Variants in TOGARAM1 observed in about 807,000 individuals in gnomAD.
TOGARAM1 encodes the protein TOG array regulator of axonemal microtubules 1, also known as TOG array regulator of axonemal microtubules protein 1.
In TOGARAM1, 100 loss-of-function variants were observed where a neutral mutation model predicts 166.6. That is an observed-to-expected ratio of 0.60 (90% CI 0.51 to 0.71). The LOEUF (loss-of-function observed/expected upper bound fraction) is 0.71. TOGARAM1 is among the 30% of genes least tolerant of loss of function. TOGARAM1 has a pLI of 0.00. For missense variants in TOGARAM1, 2,029 were observed against 2,102.7 expected (o/e 0.96, Z 0.69); for synonymous variants, 758 against 763.8 (o/e 0.99, Z 0.13).
chr14:44,963,188 T>C lies in TOGARAM1; in HGVS notation c.767T>C (p.Val256Ala), dbSNP rs1442120661. The C allele has an allele frequency of 2.5e-6, 4 of 1,613,974 alleles. No homozygotes were observed. The highest frequency in any genetic ancestry group is 1.6e-4 in the Middle Eastern group (1 of 6,084). The change falls in exon 1 of 20, where the codon GTG becomes GCG. Residue 256 changes from valine (V) to alanine (A), a missense_variant. Coordinates refer to ENST00000361462, the MANE Select transcript of TOGARAM1 (RefSeq NM_001308120.2). Reference sequence around the variant, plus strand: ...TTGCTTGGTCTGGATCTCACCGAGGTGATAATATCCCTAGCCCGAAAGCTT... The same window carrying C: ...TTGCTTGGTCTGGATCTCACCGAGGCGATAATATCCCTAGCCCGAAAGCTT... ...DLLLGLDLTE[V>A]IISLARKLGD...
At chr14:45,052,095 C>T (rs745380737) in intron 14 of TOGARAM1, among the ~76,000 whole-genome samples, 12 of 152,126 alleles carry the variant, frequency 7.9e-5, no homozygotes, top group Non-Finnish European at 1.5e-4. Flanking sequence ...AGCTGTGGCT[C>T]GCTGCTGCTG....
intron 15 of TOGARAM1, among the ~76,000 whole-genome samples, chr14:45,054,222 A>G (rs1169901487): frequency 1.3e-5 from 2 of 152,170 alleles, no homozygotes; most frequent in Non-Finnish European, 2.9e-5. Context: ...ACAAGTCAAT[A>G]TATATTTTCC....
chr14:45,033,512 A>G (rs1451828116), intron 11 of TOGARAM1, among the ~76,000 whole-genome samples: 1 of 152,204 alleles, frequency 6.6e-6, no homozygotes, highest in Non-Finnish European at 1.5e-5. Flanking sequence ...ATAAAACATT[A>G]TATGAAAACT....
intron 16 of TOGARAM1, among the ~76,000 whole-genome samples, chr14:45,065,763 G>A (rs1883111450): frequency 1.3e-5 from 2 of 152,146 alleles, no homozygotes; most frequent in African/African-American, 2.4e-5. Context: ...CTTAGGTTTT[G>A]GAAAGATTTC....
rs749622003 is a variant in TOGARAM1 at position 45,058,297 on chromosome 14, CT to C, written c.4559+3763del. On this transcript the variant is annotated intron_variant, in intron 16 of 19. Coordinates refer to ENST00000361462, the MANE Select transcript of TOGARAM1 (RefSeq NM_001308120.2). ...TTTGGCTTCCATTTATGTAGAGTGT[CT>C]TTTTTTTTTTTTTTGAGACAGTGTC... is the stretch of plus-strand genomic sequence containing the variant. 2.0e-3 allele frequency among the ~76,000 whole-genome samples: 289 copies of C among 140,988 alleles called. 1 individual carries two copies. The highest frequency in any genetic ancestry group is 3.6e-3 in the Middle Eastern group (1 of 276). The allele number at this position is 140,988 out of a possible 152,430, so 92.5% of individuals were successfully genotyped here. A position where few individuals can be genotyped will look rare whatever the true frequency, so the allele number is the denominator to read the frequency against.
Position 44,995,784 on chromosome 14 carries a change from G to A in TOGARAM1, c.2085G>A (p.Lys695=), listed in dbSNP as rs754589916. The part of the protein sequence containing the change: ...TYDFIPSAKL[K]LSQGMPVNDD... ...ATTTCATCCCATCTGCAAAATTAAA[G>A]CTTTCTCAAGGAATGCCAGTCAATG... is the stretch of plus-strand genomic sequence containing the variant. Residue 695 remains lysine, a synonymous_variant, in exon 2 of 20, where the codon AAG becomes AAA. Coordinates refer to ENST00000361462, the MANE Select transcript of TOGARAM1 (RefSeq NM_001308120.2). 42 of 1,593,698 alleles carry A rather than the reference G, an allele frequency of 2.6e-5. No individual in the cohort carries two copies. The East Asian group carries it at 4.5e-4, about 17-fold the overall frequency.
In TOGARAM1 at chr14:45,052,386, A is replaced by G. The variant is rs138221710; in HGVS notation, c.4314-50A>G. 3 of 1,545,896 alleles carry G rather than the reference A, an allele frequency of 1.9e-6. No homozygotes were observed. In the East Asian group the frequency reaches 6.8e-5, roughly 35 times the overall value. On this transcript the variant is annotated intron_variant, in intron 14 of 19. Coordinates refer to ENST00000361462, the MANE Select transcript of TOGARAM1 (RefSeq NM_001308120.2). ...ACAATGCATCTAAGGTCAGCAACTG[A>G]GCTTATTAATGTCTAAAAAGTAATA...
At chr14:45,064,084 C>A (rs921972408) in intron 16 of TOGARAM1, among the ~76,000 whole-genome samples, 5 of 151,816 alleles carry the variant, frequency 3.3e-5, no homozygotes, top group African/African-American at 9.7e-5. Flanking sequence ...CTGACCCCCA[C>A]CCCCCGCTCT....
Position 44,962,589 on chromosome 14 carries a change from C to G in TOGARAM1, c.168C>G (p.Asp56Glu). Residue 56 changes from aspartate to glutamate, a missense_variant, in exon 1 of 20, where the codon GAC (aspartate) becomes GAG (glutamate). Transcript: ENST00000361462. Reference protein sequence around the residue: ...KNYYFRGAAGDHGSCPTTTSP... With the variant: ...KNYYFRGAAGEHGSCPTTTSP... ...ACTACTTCCGTGGAGCTGCGGGGGA[C>G]CACGGTTCCTGCCCCACTACAACTT... The G allele has an allele frequency of 6.2e-7, 1 of 1,613,734 alleles. No individual in the cohort carries two copies. Among genetic ancestry groups the G allele is most frequent in the Non-Finnish European group, 8.5e-7 (1 of 1,179,736 alleles).
At chr14:45,063,297 A>C (rs531185867) in intron 16 of TOGARAM1, among the ~76,000 whole-genome samples, 2 of 152,070 alleles carry the variant, frequency 1.3e-5, no homozygotes, top group African/African-American at 4.8e-5. Flanking sequence ...GATGTGTAGG[A>C]GTGGAATTGC....
intron 7 of TOGARAM1, among the ~76,000 whole-genome samples, chr14:45,018,159 G>A (rs1394655046): frequency 6.6e-6 from 1 of 152,050 alleles, no homozygotes; most frequent in Non-Finnish European, 1.5e-5. Context: ...TCTAAAATAT[G>A]TAAGTAAATA....
intron 7 of TOGARAM1, among the ~76,000 whole-genome samples, chr14:45,012,834 T>G (rs1445690225): frequency 6.6e-6 from 1 of 152,218 alleles, no homozygotes; most frequent in East Asian, 1.9e-4. Flanking sequence ...TGCTCTTAAA[T>G]GTGTCTTAAT....
At chr14:45,058,713 T>C (rs1882764909) in intron 16 of TOGARAM1, among the ~76,000 whole-genome samples, 1 of 152,212 alleles carries the variant, frequency 6.6e-6, no homozygotes, top group East Asian at 1.9e-4. Flanking sequence ...TCTGTAACTT[T>C]TAAGTAGAGC....
chr14:44,980,510 G>C (rs1049424452), intron 1 of TOGARAM1, among the ~76,000 whole-genome samples: 1 of 152,096 alleles, frequency 6.6e-6, no homozygotes, highest in Non-Finnish European at 1.5e-5. Flanking sequence ...GTGAAACCTT[G>C]TCTCTAGTAA....
intron 1 of TOGARAM1, among the ~76,000 whole-genome samples, chr14:44,991,264 TTTTG>T: frequency 6.6e-6 from 1 of 151,664 alleles, no homozygotes; most frequent in East Asian, 1.9e-4. Context: ...AGCCTTAGTT[TTTTG>T]TTTTTGTTTT....
rs1195356070 is a variant in TOGARAM1, at chr14:44,962,641, C to T, written c.220C>T (p.Pro74Ser). 5.0e-6 allele frequency: 8 copies of T among 1,613,886 alleles called. No homozygotes were observed. The highest frequency in any genetic ancestry group is 1.3e-5 in the African/African-American group (1 of 75,046). ...TSPLASALLM[P>S]SEAVSSSWSE... Reference sequence around the variant, plus strand: ...GCCTCTGGCCTCGGCCCTCTTGATGCCCTCGGAGGCAGTCTCAAGCAGCTG... The same window carrying T: ...GCCTCTGGCCTCGGCCCTCTTGATGTCCTCGGAGGCAGTCTCAAGCAGCTG... Residue 74 changes from proline (P) to serine (S), a missense_variant, in exon 1 of 20, where the codon CCC becomes TCC. This residue lies in a region of TOGARAM1 where 1,453 missense variants were observed against 1,432.2 expected (regional missense o/e 1.01). Coordinates refer to ENST00000361462, the MANE Select transcript of TOGARAM1 (RefSeq NM_001308120.2).
At chr14:45,017,705 G>A (rs1425041730) in intron 7 of TOGARAM1, among the ~76,000 whole-genome samples, 1 of 152,134 alleles carries the variant, frequency 6.6e-6, no homozygotes, top group African/African-American at 2.4e-5. Flanking sequence ...CCAACATGGC[G>A]AAACCCCATC....
chr14:45,034,710 A>T (rs73350005), intron 11 of TOGARAM1, among the ~76,000 whole-genome samples: 9,082 of 152,234 alleles, frequency 0.06, 683 homozygotes, highest in African/African-American at 0.18. Flanking sequence ...AATGAAGTTT[A>T]AAAGCAAGGC....
In TOGARAM1 at chr14:44,963,383, A is replaced by G; in HGVS notation, c.962A>G (p.Tyr321Cys). The part of the protein sequence containing the change: ...LESQFGSQVP[Y>C]YLELEASGFP... ...TCCCAGTTTGGAAGTCAGGTTCCTT[A>G]TTATTTGGAACTTGAAGCCTCTGGA... is the stretch of plus-strand genomic sequence containing the variant. The change falls in exon 1 of 20, where the codon TAT becomes TGT. Residue 321 changes from tyrosine to cysteine, a missense_variant. Physicochemically the swap from Tyr to Cys is radical, Grantham distance 194 (BLOSUM62 -2). This residue lies in a region of TOGARAM1 where 1,453 missense variants were observed against 1,432.2 expected (regional missense o/e 1.01). Transcript: ENST00000361462. 1 of 1,614,158 alleles carries G rather than the reference A, an allele frequency of 6.2e-7. No individual in the cohort carries two copies. Among genetic ancestry groups the G allele is most frequent in the Non-Finnish European group, 8.5e-7 (1 of 1,180,022 alleles).
Sources: allele counts gnomAD v4.1 joint callset (sites outside exome capture counted in the v4.1 genomes callset), GRCh38; gene constraint gnomAD v4.1.1; regional missense constraint gnomAD v4.1.1; transcripts MANE v1.5; gene names NCBI Gene and HGNC (gene_info 2026-07-23, HGNC 2026-07-21).